MPZL2: variants seen among roughly 807,000 people sequenced by gnomAD.
The protein encoded by MPZL2 is myelin protein zero-like protein 2.
Under a neutral mutation model 24.5 loss-of-function variants are expected in MPZL2, and 32 were observed. The observed-to-expected ratio is 1.31, with a 90% CI of 0.99 to 1.76. The LOEUF (loss-of-function observed/expected upper bound fraction) is 1.76. Among genes scored for constraint, MPZL2 ranks in the 40% most tolerant of loss-of-function variants. The pLI is 0.00. For missense variants in MPZL2, 304 were observed against 274.9 expected (o/e 1.11, Z -0.75); for synonymous variants, 92 against 97.9 (o/e 0.94, Z 0.36).
chr11:118,257,829 G>A (rs1949671477), intron 4 of MPZL2, among the ~76,000 whole-genome samples: 1 of 148,624 alleles, frequency 6.7e-6, no homozygotes, highest in African/African-American at 2.5e-5. Flanking sequence ...TGACCAACAT[G>A]GTGAAACCCC....
chr11:118,256,013 C>T (rs1186356259), intron 5 of MPZL2, among the ~76,000 whole-genome samples: 1 of 152,132 alleles, frequency 6.6e-6, no homozygotes, highest in Non-Finnish European at 1.5e-5. Flanking sequence ...TAGATAATCC[C>T]CTTAACTTTA....
At chr11:118,259,877 A>G (rs1949687563) in intron 4 of MPZL2, 177 bp downstream of exon 4, 7 of 660,220 alleles carry the variant, frequency 1.1e-5, no homozygotes, top group Non-Finnish European at 1.7e-5. Context: ...TAAAATTAAG[A>G]AAGCTTTTGT....
intron 4 of MPZL2, among the ~76,000 whole-genome samples, chr11:118,257,996 G>T (rs1384987765): frequency 1.3e-5 from 2 of 150,566 alleles, no homozygotes; most frequent in African/African-American, 5.0e-5. Context: ...GGCAACCAGA[G>T]TGAAAGTCTG....
chr11:118,262,549 G>A lies in MPZL2; in HGVS notation c.325C>T (p.Leu109Phe), dbSNP rs1203666363. Residue 109 changes from leucine to phenylalanine, a missense_variant, in exon 3 of 6, where the codon CTT becomes TTT. Leu to Phe is a conservative substitution (Grantham distance 22). Coordinates refer to ENST00000278937, the MANE Select transcript of MPZL2 (RefSeq NM_005797.4). ...GNPERYDASI[L>F]LWKLQFDDNG... ...TCGTCGAACTGCAGTTTCCAGAGAA[G>A]GATGGAGGCATCGTACCGCTCAGGA... The A allele has an allele frequency of 6.2e-7, 1 of 1,614,108 alleles. No individual in the cohort carries two copies. Among genetic ancestry groups the A allele is most frequent in the African/African-American group, 1.3e-5 (1 of 74,936 alleles).
chr11:118,257,925 G>A (rs1228561115), intron 4 of MPZL2, among the ~76,000 whole-genome samples: 2 of 151,910 alleles, frequency 1.3e-5, no homozygotes, highest in East Asian at 1.9e-4. Flanking sequence ...CAAGAGAATC[G>A]CTTGAACCCA....
At chr11:118,258,132 C>T (rs374785943) in intron 4 of MPZL2, among the ~76,000 whole-genome samples, 1 of 151,742 alleles carries the variant, frequency 6.6e-6, no homozygotes, top group East Asian at 1.9e-4. Context: ...CAGCCATATA[C>T]GAAAACGAAC....
chr11:118,257,174 A>C (rs1591503927), intron 5 of MPZL2, 64 bp downstream of exon 5: 1 of 1,233,504 alleles, frequency 8.1e-7, no homozygotes, highest in Non-Finnish European at 1.2e-6. Flanking sequence ...GGGAGTCCTC[A>C]TTAGAGATGG....
rs148040302 is a variant in MPZL2 at position 118,258,626 on chromosome 11, G to A, written c.585-1313C>T. ...TCATATAGTTTGGGTATTTGTCCCCGCCCAAATCTCATGTTGAATTGTAAT... is the reference window on the plus strand; with the variant it reads ...TCATATAGTTTGGGTATTTGTCCCCACCCAAATCTCATGTTGAATTGTAAT... On this transcript the variant is annotated intron_variant, in intron 4 of 5. Transcript: ENST00000278937. 6.5e-3 allele frequency among the ~76,000 whole-genome samples: 991 copies of A among 152,190 alleles called. 7 individuals are homozygous for A. The highest frequency in any genetic ancestry group is 0.023 in the African/African-American group (936 of 41,516).
At chr11:118,255,944 CTT>C (rs1949656861) in intron 5 of MPZL2, among the ~76,000 whole-genome samples, 1 of 152,168 alleles carries the variant, frequency 6.6e-6, no homozygotes, top group African/African-American at 2.4e-5. Context: ...GTGTTCATCT[CTT>C]AAGTTTCTTT....
intron 4 of MPZL2, among the ~76,000 whole-genome samples, chr11:118,257,818 C>G (rs1949671361): frequency 6.6e-6 from 1 of 151,528 alleles, no homozygotes; most frequent in South Asian, 2.1e-4. Context: ...CAAGACCAGC[C>G]TGACCAACAT....
In MPZL2 at chr11:118,264,259, AGAG is replaced by A; in HGVS notation, c.-109_-107del. The A allele has an allele frequency of 9.0e-7, 1 of 1,112,266 alleles. No homozygotes were observed. Among genetic ancestry groups the A allele is most frequent in the Non-Finnish European group, 1.4e-6 (1 of 735,662 alleles). The allele number at this position is 1,112,266 out of a possible 1,614,324, so 68.9% of individuals were successfully genotyped here. The stretch of plus-strand genomic sequence containing the variant: ...GAGCAAGCACCGCGTTTTCCCAGAG[AGAG>A]GAGTTTGAGTTGAGTTCCTCACCTG... On this transcript the variant is annotated 5_prime_UTR_variant, in exon 1 of 6. Transcript: ENST00000278937.
chr11:118,261,034 C>T (rs1949697111), intron 3 of MPZL2, among the ~76,000 whole-genome samples: 1 of 152,194 alleles, frequency 6.6e-6, no homozygotes, highest in Non-Finnish European at 1.5e-5. Flanking sequence ...TTTTGTATGT[C>T]TCCACTGTTT....
chr11:118,256,835 G>T (rs1047294949), intron 5 of MPZL2: 1 of 152,482 alleles, frequency 6.6e-6, no homozygotes, highest in Admixed American at 6.6e-5. Flanking sequence ...AAAACTGCCA[G>T]ATATGTCTAT....
At chr11:118,257,895 A>G (rs1949672272) in intron 4 of MPZL2, among the ~76,000 whole-genome samples, 1 of 152,122 alleles carries the variant, frequency 6.6e-6, no homozygotes, top group African/African-American at 2.4e-5. Flanking sequence ...CTGTAATCCC[A>G]GCTACTTGGG....
chr11:118,258,172 A>G (rs780926928), intron 4 of MPZL2, among the ~76,000 whole-genome samples: 3 of 152,234 alleles, frequency 2.0e-5, no homozygotes, highest in Non-Finnish European at 4.4e-5. Context: ...AATTAAGACT[A>G]TAAAACTCTT....
chr11:118,258,170 C>T (rs1949674829), intron 4 of MPZL2, among the ~76,000 whole-genome samples: 1 of 152,036 alleles, frequency 6.6e-6, no homozygotes, highest in Non-Finnish European at 1.5e-5. Context: ...AAAATTAAGA[C>T]TATAAAACTC....
At chr11:118,259,424 G>A (rs1591504695) in intron 4 of MPZL2, 1 of 152,200 alleles carries the variant, frequency 6.6e-6, no homozygotes, top group South Asian at 2.1e-4. Context: ...ACCACATATT[G>A]TATGATTCTA....
rs773599467 is a variant in MPZL2, at chr11:118,262,488, G to T, written c.386C>A (p.Pro129His). The T allele has an allele frequency of 1.9e-5, 31 of 1,614,006 alleles. No individual in the cohort carries two copies. In the African/African-American group the frequency reaches 3.7e-4, roughly 19 times the overall value. Residue 129 changes from proline to histidine, a missense_variant, in exon 3 of 6, where the codon CCT becomes CAT. Coordinates refer to ENST00000278937, the MANE Select transcript of MPZL2 (RefSeq NM_005797.4). ...CTCCCCTATCACCCCATCAACATCA[G>T]GTGGGTTCTTCACCTGGCAGGTGTA... ...GTYTCQVKNP[P>H]DVDGVIGEIR... is the part of the protein sequence containing the mutation.
Position 118,264,086 on chromosome 11 carries a change from C to G in MPZL2, c.58+10G>C. ...GGAGGAAACTCTGAGAGAAGCCCGC[C>G]GGCTCTTACCTGTGAGCTGTATGCC... is the stretch of plus-strand genomic sequence containing the variant. On this transcript the variant is annotated intron_variant, in intron 1 of 5. Coordinates refer to ENST00000278937, the MANE Select transcript of MPZL2 (RefSeq NM_005797.4). 2 of 1,613,816 alleles carry G rather than the reference C, an allele frequency of 1.2e-6. No homozygotes were observed. Among genetic ancestry groups the G allele is most frequent in the Non-Finnish European group, 1.7e-6 (2 of 1,179,756 alleles).
Sources: gnomAD v4.1 joint callset for allele counts (sites outside exome capture counted in the v4.1 genomes callset) on GRCh38, gnomAD v4.1.1 for gene constraint, MANE v1.5 for transcripts, NCBI Gene and HGNC (gene_info 2026-07-23, HGNC 2026-07-21) for gene names.